VPS13D: variants seen among roughly 807,000 people sequenced by gnomAD.
VPS13D encodes the protein vacuolar protein sorting 13 homolog D.
VPS13D carries 187 observed loss-of-function variants against 461.9 expected under a neutral mutation model. That is an observed-to-expected ratio of 0.40 (90% CI 0.36 to 0.46). VPS13D has a LOEUF of 0.46. Ranked by LOEUF, VPS13D falls within the 20% of genes least tolerant of loss-of-function variation. VPS13D has a pLI of 0.60. For synonymous variants in VPS13D, 1,951 were observed against 1,986.3 expected (o/e 0.98, Z 0.47); for missense variants, 4,711 against 5,364.9 (o/e 0.88, Z 3.81).
chr1:12,365,479 G>C (rs1315484310), intron 52 of VPS13D, among the ~76,000 whole-genome samples: 1 of 152,160 alleles, frequency 6.6e-6, no homozygotes, highest in East Asian at 1.9e-4. Context: ...GCCTAGGTGG[G>C]CGGATCACGA....
At chr1:12,322,835 G>C in intron 34 of VPS13D, 89 bp downstream of exon 34, 3 of 1,119,294 alleles carry the variant, frequency 2.7e-6, no homozygotes, top group Non-Finnish European at 3.9e-6. Flanking sequence ...CAACTAAATT[G>C]TACACAGTTT....
intron 23 of VPS13D, 82 bp from the exon 24 acceptor site, chr1:12,293,442 C>A: frequency 2.2e-6 from 3 of 1,355,026 alleles, no homozygotes; most frequent in South Asian, 1.5e-5. Flanking sequence ...TTTAGGGAAG[C>A]CCCTAAACCA....
intron 60 of VPS13D, among the ~76,000 whole-genome samples, chr1:12,386,554 G>A (rs1251482895): frequency 5.3e-5 from 8 of 152,202 alleles, no homozygotes; most frequent in Non-Finnish European, 8.8e-5. Flanking sequence ...CTCAGTCAGG[G>A]TGTCATGGAG....
Position 12,279,556 on chromosome 1 carries a change from A to G in VPS13D, c.4508A>G (p.Glu1503Gly). ...TTTAAACTGGAGAAGATCCCTATAG[A>G]GAGAGAATCTGAATTGACTTTTTCT... ...IQFKLEKIPI[E>G]RESELTFSLS... The change falls in exon 20 of 70, where the codon GAG (glutamate) becomes GGG (glycine). Residue 1503 changes from glutamate (E) to glycine (G), a missense_variant. Physicochemically the swap from Glu to Gly is moderately conservative, Grantham distance 98. This residue lies in a region of VPS13D where 4,411 missense variants were observed against 4,937.8 expected (regional missense o/e 0.89). Transcript: ENST00000620676. This position sits in a 1 kb window ranked among gnomAD's most constrained non-coding sequence, Gnocchi z 4.3. The G allele has an allele frequency of 1.2e-6, 2 of 1,613,418 alleles. No individual in the cohort carries two copies. Among genetic ancestry groups the G allele is most frequent in the East Asian group, 4.5e-5 (2 of 44,868 alleles).
At chr1:12,288,129 CTT>C in intron 21 of VPS13D, 92 bp from the exon 22 acceptor site, 8 of 1,089,226 alleles carry the variant, frequency 7.3e-6, no homozygotes, top group Non-Finnish European at 1.1e-5. Flanking sequence ...TTTCCCAAGC[CTT>C]TTTGCATTTT....
intron 26 of VPS13D, among the ~76,000 whole-genome samples, chr1:12,308,195 G>C (rs1226332386): frequency 6.6e-6 from 1 of 152,120 alleles, no homozygotes; most frequent in Non-Finnish European, 1.5e-5. Flanking sequence ...TCTGTGCTTG[G>C]AGTGGAGGCG....
chr1:12,361,880 A>G (rs1232020870), intron 50 of VPS13D, among the ~76,000 whole-genome samples: 1 of 152,096 alleles, frequency 6.6e-6, no homozygotes, highest in Non-Finnish European at 1.5e-5. Context: ...ATTTTTTGAG[A>G]CGGAGTCTCA....
intron 65 of VPS13D, among the ~76,000 whole-genome samples, chr1:12,439,014 T>G (rs926309986): frequency 3.3e-5 from 5 of 152,126 alleles, no homozygotes; most frequent in Non-Finnish European, 7.4e-5. Flanking sequence ...TTTGGCCTGG[T>G]TTTTATTGTA....
chr1:12,409,996 C>A (rs796375779), intron 63 of VPS13D: 6 of 442,592 alleles, frequency 1.4e-5, no homozygotes, highest in African/African-American at 8.1e-5. Flanking sequence ...CAGCTGCCAA[C>A]AGGCAGAGAA....
intron 50 of VPS13D, among the ~76,000 whole-genome samples, chr1:12,360,301 G>A (rs1477195652): frequency 6.6e-6 from 1 of 152,152 alleles, no homozygotes; most frequent in African/African-American, 2.4e-5. Context: ...ATATTTTGAA[G>A]AATAGGATAG....
intron 13 of VPS13D, among the ~76,000 whole-genome samples, chr1:12,264,775 C>T (rs1028107341): frequency 4.6e-5 from 7 of 152,210 alleles, no homozygotes; most frequent in Non-Finnish European, 1.0e-4. Flanking sequence ...TCCAGAAGAT[C>T]CAGCTAAGAT....
intron 21 of VPS13D, among the ~76,000 whole-genome samples, chr1:12,287,233 A>G (rs937063206): frequency 6.6e-6 from 1 of 152,222 alleles, no homozygotes; most frequent in Non-Finnish European, 1.5e-5. Context: ...AGTGTCAGAA[A>G]TCATACTGCA....
chr1:12,265,755 C>A (rs1289790150), intron 13 of VPS13D, among the ~76,000 whole-genome samples: 1 of 152,188 alleles, frequency 6.6e-6, no homozygotes, highest in African/African-American at 2.4e-5. Context: ...TTGCTGGAAT[C>A]TCATGATCAA....
chr1:12,387,088 A>G (rs1644359744), intron 60 of VPS13D, among the ~76,000 whole-genome samples: 2 of 152,212 alleles, frequency 1.3e-5, no homozygotes. Flanking sequence ...CCCATCTGAA[A>G]GGATCAGAGG....
chr1:12,452,291 C>A (rs1645272844), intron 65 of VPS13D, among the ~76,000 whole-genome samples: 3 of 152,208 alleles, frequency 2.0e-5, no homozygotes, highest in Admixed American at 2.0e-4. Context: ...TTACTTGTCA[C>A]AAGACAGTGG....
chr1:12,464,747 C>A (rs1283134429), intron 67 of VPS13D, among the ~76,000 whole-genome samples: 1 of 152,116 alleles, frequency 6.6e-6, no homozygotes, highest in African/African-American at 2.4e-5. Context: ...GACTGCAGAG[C>A]CTTTGGCCTC....
chr1:12,366,398 G>C (rs1644035258), intron 52 of VPS13D, among the ~76,000 whole-genome samples: 1 of 152,098 alleles, frequency 6.6e-6, no homozygotes, highest in Non-Finnish European at 1.5e-5. Context: ...CTATTGGGTA[G>C]GGCTCTAGCA....
chr1:12,362,641 G>A (rs939688555), intron 50 of VPS13D, 79 bp from the exon 51 acceptor site: 23 of 1,365,820 alleles, frequency 1.7e-5, no homozygotes, highest in Admixed American at 1.4e-4. Flanking sequence ...AAGTAACTGT[G>A]AAGGTTATTT....
rs1275495548 is a variant in VPS13D, at chr1:12,335,693, G to A, written c.8429-12G>A. The A allele has an allele frequency of 6.3e-7, 1 of 1,598,658 alleles. No homozygotes were observed. The highest frequency in any genetic ancestry group is 1.7e-5 in the Admixed American group (1 of 57,560). ...TTTAGTTCTCTTAATATCTCTGGGGGATTCTTTCTAGACCAGTATGTAAGT... is the reference window on the plus strand; with the variant it reads ...TTTAGTTCTCTTAATATCTCTGGGGAATTCTTTCTAGACCAGTATGTAAGT... On this transcript the variant is annotated splice_polypyrimidine_tract_variant and intron_variant, in intron 38 of 69. Coordinates refer to ENST00000620676, the MANE Select transcript of VPS13D (RefSeq NM_015378.4).
Sources: allele counts gnomAD v4.1 joint callset (sites outside exome capture counted in the v4.1 genomes callset), GRCh38; gene constraint gnomAD v4.1.1; regional missense constraint gnomAD v4.1.1; non-coding constraint Gnocchi (gnomAD v3.1); transcripts MANE v1.5; gene names NCBI Gene and HGNC (gene_info 2026-07-23, HGNC 2026-07-21).